Variants in SH3RF2 observed in about 807,000 individuals in gnomAD.
SH3RF2 encodes E3 ubiquitin-protein ligase SH3RF2.
In SH3RF2, 43 loss-of-function variants were observed where a neutral mutation model predicts 59.0. The ratio of observed to expected loss-of-function variants is 0.73; its 90% CI spans 0.57 to 0.94. The LOEUF (loss-of-function observed/expected upper bound fraction) is 0.94. Among genes scored for constraint, SH3RF2 ranks in the 40% least tolerant of loss-of-function variants. The pLI is 0.00. For missense variants in SH3RF2, 930 were observed against 940.1 expected (o/e 0.99, Z 0.14); for synonymous variants, 391 against 391.5 (o/e 1.00, Z 0.01).
At chr5:146,006,777 G>A (rs1299929925) in intron 4 of SH3RF2, among the ~76,000 whole-genome samples, 2 of 152,154 alleles carry the variant, frequency 1.3e-5, no homozygotes, top group Non-Finnish European at 2.9e-5. Context: ...GCTTAACAAA[G>A]AAAATGTTAT....
intron 7 of SH3RF2, among the ~76,000 whole-genome samples, chr5:146,051,056 G>T (rs192187433): frequency 1.2e-3 from 178 of 152,292 alleles, no homozygotes; most frequent in African/African-American, 4.0e-3. Flanking sequence ...CCAACATGGT[G>T]AAACCTCATC....
chr5:146,011,103 G>A (rs1245267771), intron 4 of SH3RF2, among the ~76,000 whole-genome samples: 1 of 152,170 alleles, frequency 6.6e-6, no homozygotes, highest in East Asian at 1.9e-4. Flanking sequence ...CATATGGCTA[G>A]CCAGTTTTCC....
Position 146,013,767 on chromosome 5 carries a change from C to A in SH3RF2, c.765C>A (p.His255Gln), listed in dbSNP as rs1760997247. The change falls in exon 5 of 10, where the codon CAC (histidine) becomes CAA (glutamine). Residue 255 changes from histidine to glutamine, a missense_variant. Physicochemically the swap from His to Gln is conservative, Grantham distance 24 (BLOSUM62 0). Coordinates refer to ENST00000359120, the MANE Select transcript of SH3RF2 (RefSeq NM_152550.4). ...TTCAGCCAAACCTCACCGCAAGACA[C>A]CTTTTAGAGAAGAACAAAGGTCGCC... ...LFVEPNLTAR[H>Q]LLEKNKGRQS... The A allele has an allele frequency of 6.2e-7, 1 of 1,614,034 alleles. No homozygotes were observed.
At chr5:146,005,541 T>C (rs1374426018) in intron 4 of SH3RF2, among the ~76,000 whole-genome samples, 1 of 152,180 alleles carries the variant, frequency 6.6e-6, no homozygotes, top group Non-Finnish European at 1.5e-5. Flanking sequence ...GTACCTCCTC[T>C]ACTCCATCAG....
chr5:145,971,408 G>A (rs953722368), intron 2 of SH3RF2, among the ~76,000 whole-genome samples: 7 of 152,192 alleles, frequency 4.6e-5, no homozygotes, highest in Non-Finnish European at 8.8e-5. Context: ...AGCATGTGGG[G>A]CTCCCTACCT....
intron 2 of SH3RF2, among the ~76,000 whole-genome samples, chr5:145,938,836 G>T (rs557189741): frequency 2.6e-5 from 4 of 152,358 alleles, no homozygotes; most frequent in South Asian, 2.1e-4. Context: ...TGACGCGGGA[G>T]ATAGTGCAGG....
intron 5 of SH3RF2, among the ~76,000 whole-genome samples, chr5:146,041,843 A>G (rs1441706197): frequency 6.6e-6 from 1 of 152,120 alleles, no homozygotes; most frequent in Non-Finnish European, 1.5e-5. Flanking sequence ...AGGCGGGAGG[A>G]TCGATTGAAC....
chr5:146,004,322 G>A (rs1020693401), intron 4 of SH3RF2, among the ~76,000 whole-genome samples, 169 bp downstream of exon 4: 14 of 152,166 alleles, frequency 9.2e-5, no homozygotes, highest in Non-Finnish European at 4.4e-5. Flanking sequence ...CAAGAGTCTG[G>A]GGAAATGAGC....
At chr5:146,048,996 T>C in intron 6 of SH3RF2, 79 bp from the exon 7 acceptor site, 3 of 1,541,146 alleles carry the variant, frequency 1.9e-6, no homozygotes, top group Non-Finnish European at 2.7e-6. Context: ...GGGCAGTCTC[T>C]CTCCACCATT....
intron 2 of SH3RF2, among the ~76,000 whole-genome samples, chr5:145,995,497 T>TC (rs1760114410): frequency 6.6e-6 from 1 of 152,076 alleles, no homozygotes; most frequent in African/African-American, 2.4e-5. Flanking sequence ...GGGAACACCT[T>TC]CCCCAAAAAA....
rs528984820 is a variant in SH3RF2, at chr5:146,062,855, A to G, written c.*154A>G. 1.2e-5 allele frequency: 12 copies of G among 1,025,774 alleles called. No homozygotes were observed. The East Asian group carries it at 3.1e-4, about 27-fold the overall frequency. 63.5% of individuals were successfully genotyped at this position (1,025,774 alleles called of 1,614,324 possible). A position where few individuals can be genotyped will look rare whatever the true frequency, so the allele number is the denominator to read the frequency against. The stretch of plus-strand genomic sequence containing the variant: ...CAGGAAAGCAAAAGTGGGAGCAGAA[A>G]TTCCTGCCCTGGGTGGGAGGATAGA... On this transcript the variant is annotated 3_prime_UTR_variant, in exon 10 of 10. Transcript: ENST00000359120.
intron 2 of SH3RF2, chr5:145,997,746 T>C: frequency 1.8e-5 from 29 of 1,578,510 alleles, no homozygotes; most frequent in Non-Finnish European, 2.3e-5. Context: ...AGTTAAATCA[T>C]TGTGGACAAA....
chr5:145,994,076 T>G (rs572269266), intron 2 of SH3RF2, among the ~76,000 whole-genome samples: 1 of 152,288 alleles, frequency 6.6e-6, no homozygotes, highest in Non-Finnish European at 1.5e-5. Context: ...TCTCTCAACT[T>G]CGAAGTTCTA....
rs570883183 is a variant in SH3RF2 at position 145,975,752 on chromosome 5, A to C, written c.379-24306A>C. ...TTGGCAGAGAGCCAAAGGAAACAGA[A>C]GATGTTGAATCATTCCCCTACTGGG... is the stretch of plus-strand genomic sequence containing the variant. On this transcript the variant is annotated intron_variant, in intron 2 of 9. Transcript: ENST00000359120. 2.6e-5 allele frequency among the ~76,000 whole-genome samples: 4 copies of C among 152,380 alleles called. No homozygotes were observed. The East Asian group carries it at 7.7e-4, about 29-fold the overall frequency.
chr5:145,953,414 G>A (rs950203383), intron 2 of SH3RF2, among the ~76,000 whole-genome samples: 17 of 152,226 alleles, frequency 1.1e-4, no homozygotes, highest in African/African-American at 2.9e-4. Flanking sequence ...GAAAACCCAC[G>A]TGGCTGAGGG....
intron 7 of SH3RF2, among the ~76,000 whole-genome samples, chr5:146,054,783 G>A (rs1762613547): frequency 6.6e-6 from 1 of 152,230 alleles, no homozygotes. Context: ...AGAGAGAGAG[G>A]AGAAATGAGG....
intron 2 of SH3RF2, among the ~76,000 whole-genome samples, chr5:145,944,151 G>A (rs900053000): frequency 1.3e-5 from 2 of 152,090 alleles, no homozygotes; most frequent in African/African-American, 4.8e-5. Context: ...TTTGAGTGCT[G>A]ACATGAGGCT....
At chr5:146,028,283 T>C (rs1193987031) in intron 5 of SH3RF2, among the ~76,000 whole-genome samples, 3 of 151,548 alleles carry the variant, frequency 2.0e-5, no homozygotes, top group East Asian at 1.9e-4. Context: ...GGAAAAGCAA[T>C]GTAACAGGGT....
chr5:145,961,865 G>A (rs1302919794), intron 2 of SH3RF2, among the ~76,000 whole-genome samples: 1 of 152,172 alleles, frequency 6.6e-6, no homozygotes, highest in Non-Finnish European at 1.5e-5. Flanking sequence ...AAGCAGGAGA[G>A]TTAGTTTCAT....
Sources: allele counts gnomAD v4.1 joint callset (sites outside exome capture counted in the v4.1 genomes callset), GRCh38; gene constraint gnomAD v4.1.1; transcripts MANE v1.5; gene names NCBI Gene and HGNC (gene_info 2026-07-23, HGNC 2026-07-21).